KCNN2: variants seen among roughly 807,000 people sequenced by gnomAD.
KCNN2 encodes the protein potassium calcium-activated channel subfamily N member 2.
KCNN2 carries 24 observed loss-of-function variants against 55.5 expected under a neutral mutation model. The observed-to-expected ratio is 0.43, with a 90% CI of 0.31 to 0.61. KCNN2 has a LOEUF of 0.61. KCNN2 is among the 20% of genes least tolerant of loss of function. KCNN2 has a pLI of 0.08. For missense variants in KCNN2, 754 were observed against 853.6 expected, an observed-to-expected ratio of 0.88 and a Z score of 1.45; for synonymous variants, 431 against 336.1, an observed-to-expected ratio of 1.28 and a Z score of -3.09.
At chr5:114,350,037 A>AT (rs1393632163) in intron 2 of KCNN2, among the ~76,000 whole-genome samples, 1 of 151,902 alleles carries the variant, frequency 6.6e-6, no homozygotes, top group East Asian at 1.9e-4. Context: ...CCCATTGACC[A>AT]TTTTTATGTC....
At chr5:114,448,757 G>A (rs1760522337) in intron 3 of KCNN2, among the ~76,000 whole-genome samples, 1 of 152,180 alleles carries the variant, frequency 6.6e-6, no homozygotes, top group Non-Finnish European at 1.5e-5. Flanking sequence ...AGTGCTGGAG[G>A]CTAAGACTTC....
intron 2 of KCNN2, among the ~76,000 whole-genome samples, chr5:114,380,278 C>G (rs1335220343): frequency 6.6e-6 from 1 of 152,164 alleles, no homozygotes; most frequent in African/African-American, 2.4e-5. Flanking sequence ...GCCTCCCTCC[C>G]CCTGCTTCTT....
At chr5:114,265,968 C>A (rs900619320) in intron 2 of KCNN2, among the ~76,000 whole-genome samples, 2 of 152,016 alleles carry the variant, frequency 1.3e-5, no homozygotes, top group African/African-American at 4.8e-5. Flanking sequence ...GTATCACTGT[C>A]CATTAGAGAT....
intron 1 of KCNN2, among the ~76,000 whole-genome samples, chr5:114,185,297 C>A (rs1289761981): frequency 6.6e-6 from 1 of 152,198 alleles, no homozygotes; most frequent in Non-Finnish European, 1.5e-5. Context: ...GCATAATTAT[C>A]AGATCTAAGA....
At chr5:114,483,448 A>AT (rs1762319305) in intron 5 of KCNN2, among the ~76,000 whole-genome samples, 1 of 151,606 alleles carries the variant, frequency 6.6e-6, no homozygotes, top group East Asian at 1.9e-4. Context: ...CTAATTTTGT[A>AT]TTTTTAGTAG....
chr5:114,327,402 A>G (rs1355377810), intron 2 of KCNN2, among the ~76,000 whole-genome samples: 1 of 152,222 alleles, frequency 6.6e-6, no homozygotes. Context: ...TGGGATTTGG[A>G]TAAACACTTT....
chr5:114,481,999 A>G (rs190481113), intron 5 of KCNN2, among the ~76,000 whole-genome samples: 32 of 152,340 alleles, frequency 2.1e-4, no homozygotes, highest in African/African-American at 6.5e-4. Flanking sequence ...AGAAATGCCA[A>G]AAGCAATTGC....
At chr5:114,412,046 A>C (rs1419303931) in intron 3 of KCNN2, among the ~76,000 whole-genome samples, 1 of 152,198 alleles carries the variant, frequency 6.6e-6, no homozygotes, top group Non-Finnish European at 1.5e-5. Context: ...TTGCTAAGGG[A>C]AAGCTCCTGT....
At chr5:114,392,843 G>T (rs1758491872) in intron 2 of KCNN2, among the ~76,000 whole-genome samples, 1 of 148,272 alleles carries the variant, frequency 6.7e-6, no homozygotes. Context: ...ACATCCAAAT[G>T]CTAGTTTCTA....
chr5:114,090,933 G>A lies in KCNN2; in HGVS notation c.-271+34433G>A, dbSNP rs188405620. 4.7e-3 allele frequency among the ~76,000 whole-genome samples: 715 copies of A among 152,204 alleles called. 3 individuals carry two copies. Among genetic ancestry groups the A allele is most frequent in the South Asian group, 0.022 (107 of 4,824 alleles). On this transcript the variant is annotated intron_variant, in intron 1 of 10. Transcript: ENST00000512097. ...ACTCACTGCAGCCTTGACTTCCAGGGTTCAAGTGATCTGCCCACCTCAGCC... is the reference window on the plus strand; with the variant it reads ...ACTCACTGCAGCCTTGACTTCCAGGATTCAAGTGATCTGCCCACCTCAGCC...
intron 2 of KCNN2, among the ~76,000 whole-genome samples, chr5:114,384,710 C>T (rs1336850935): frequency 6.6e-6 from 1 of 152,074 alleles, no homozygotes; most frequent in Non-Finnish European, 1.5e-5. Flanking sequence ...TCTCAGATGC[C>T]AGCCCCTATT....
intron 1 of KCNN2, among the ~76,000 whole-genome samples, chr5:114,086,690 C>A (rs962392712): frequency 2.0e-5 from 3 of 151,984 alleles, no homozygotes; most frequent in African/African-American, 7.2e-5. Flanking sequence ...CACTGATGGG[C>A]CCCTAGGTTG....
At chr5:114,416,589 T>C (rs1457478678) in intron 3 of KCNN2, among the ~76,000 whole-genome samples, 1 of 152,194 alleles carries the variant, frequency 6.6e-6, no homozygotes, top group Non-Finnish European at 1.5e-5. Context: ...ACATACGATA[T>C]TCTCAGTGCC....
rs1188792108 is a variant in KCNN2 at position 114,362,160 on chromosome 5, C to A, written c.21C>A (p.Phe7Leu). ...CTGACATGGAAACCCCATTGCAGTT[C>A]CAGCGCGGCTTCTTCCCAGAGCAGC... The part of the protein sequence containing the change: METPLQ[F>L]QRGFFPEQPP... The change falls in exon 1 of 8, where the codon TTC becomes TTA. Residue 7 changes from phenylalanine (F) to leucine (L), a missense_variant. Physicochemically the swap from Phe to Leu is conservative, Grantham distance 22 (BLOSUM62 0). Around this residue, in one of 4 missense-constraint regions of KCNN2, gnomAD observed 381 missense variants for 259.1 expected, o/e 1.47. Transcript: ENST00000673685. 1 of 169,494 alleles carries A rather than the reference C, an allele frequency of 5.9e-6. No homozygotes were observed. The highest frequency in any genetic ancestry group is 1.5e-4 in the South Asian group (1 of 6,574). 10.5% of individuals were successfully genotyped at this position (169,494 alleles called of 1,614,324 possible).
intron 2 of KCNN2, among the ~76,000 whole-genome samples, chr5:114,379,698 A>G (rs56260733): frequency 0.047 from 1,878 of 40,266 alleles, 429 homozygotes; most frequent in African/African-American, 0.12. Flanking sequence ...TTATATATTT[A>G]TAGAATATAT....
chr5:114,404,314 A>C (rs1263110964), intron 2 of KCNN2, 124 bp from the exon 3 acceptor site: 4 of 706,012 alleles, frequency 5.7e-6, no homozygotes, highest in Non-Finnish European at 9.5e-6. Context: ...TAGCATTTAA[A>C]AGTTATAACC....
At chr5:114,375,777 C>T (rs1265801575) in intron 2 of KCNN2, among the ~76,000 whole-genome samples, 1 of 151,794 alleles carries the variant, frequency 6.6e-6, no homozygotes, top group Admixed American at 6.6e-5. Flanking sequence ...CAGGCTTCTA[C>T]AATTTAAGCA....
rs556447762 is a variant in KCNN2 at position 114,158,345 on chromosome 5, C to T, written c.-270-63135C>T. On this transcript the variant is annotated intron_variant, in intron 1 of 10. Transcript: ENST00000512097. ...CGGCATTATTTCTGAGGGCTCTGTT[C>T]TGTTCCATTGGTCTATATCTCTGTT... 2.4e-3 allele frequency among the ~76,000 whole-genome samples: 363 copies of T among 152,254 alleles called. 3 individuals carry two copies. Among genetic ancestry groups the T allele is most frequent in the African/African-American group, 8.4e-3 (348 of 41,550 alleles).
At chr5:114,327,694 T>G (rs1756738833) in intron 2 of KCNN2, among the ~76,000 whole-genome samples, 1 of 152,204 alleles carries the variant, frequency 6.6e-6, no homozygotes, top group Non-Finnish European at 1.5e-5. Context: ...TTCTAAGTGT[T>G]TCAGTCTGTG....
Sources: gnomAD v4.1 joint callset for allele counts (sites outside exome capture counted in the v4.1 genomes callset) on GRCh38, gnomAD v4.1.1 for gene constraint, gnomAD v4.1.1 regional missense constraint, MANE v1.5 for transcripts, NCBI Gene and HGNC (gene_info 2026-07-23, HGNC 2026-07-21) for gene names.